ADAM12: variants seen among roughly 807,000 people sequenced by gnomAD.
ADAM12 encodes disintegrin and metalloproteinase domain-containing protein 12.
Under a neutral mutation model 106.4 loss-of-function variants are expected in ADAM12, and 70 were observed. That is an observed-to-expected ratio of 0.66 (90% CI 0.54 to 0.80). The LOEUF is 0.80. Among genes scored for constraint, ADAM12 ranks in the 30% least tolerant of loss-of-function variants. The pLI is 0.00. For missense variants in ADAM12, 1,010 were observed against 1,171.9 expected, an observed-to-expected ratio of 0.86 and a Z score of 2.02; for synonymous variants, 420 against 433.5, an observed-to-expected ratio of 0.97 and a Z score of 0.39.
chr10:126,217,041 T>A lies in ADAM12; in HGVS notation c.261-61736A>T, dbSNP rs112669128. 4.5e-3 allele frequency among the ~76,000 whole-genome samples: 681 copies of A among 152,342 alleles called. 5 individuals are homozygous for A. Among genetic ancestry groups the A allele is most frequent in the African/African-American group, 0.015 (621 of 41,582 alleles). On this transcript the variant is annotated intron_variant, in intron 3 of 22. Transcript: ENST00000448723. Reference sequence around the variant, plus strand: ...ATCTTTCCAACTCTGAGCTCAAGAATCAGGGATGTCAGCAAACAAATCCTG... The same window carrying A: ...ATCTTTCCAACTCTGAGCTCAAGAAACAGGGATGTCAGCAAACAAATCCTG...
intron 3 of ADAM12, among the ~76,000 whole-genome samples, chr10:126,278,565 C>G (rs144967062): frequency 6.6e-6 from 1 of 152,094 alleles, no homozygotes; most frequent in African/African-American, 2.4e-5. Flanking sequence ...GCTGTTTCCC[C>G]TAATATAATC....
chr10:126,158,801 C>T (rs28411103), intron 3 of ADAM12, among the ~76,000 whole-genome samples: 3,077 of 119,736 alleles, frequency 0.026, 125 homozygotes, highest in African/African-American at 0.096. Flanking sequence ...GGGATGCACA[C>T]AGCACGGTGG....
intron 3 of ADAM12, among the ~76,000 whole-genome samples, chr10:126,166,749 G>A (rs975357670): frequency 5.3e-5 from 8 of 151,996 alleles, no homozygotes; most frequent in African/African-American, 9.7e-5. Flanking sequence ...CGCCCGCCTC[G>A]ACCTCCCAAA....
intron 21 of ADAM12, among the ~76,000 whole-genome samples, chr10:126,033,376 G>GTACAT (rs1432498961): frequency 1.3e-5 from 2 of 152,162 alleles, no homozygotes; most frequent in African/African-American, 2.4e-5. Context: ...GGTGGAATAA[G>GTACAT]TACATTTCAC....
intron 6 of ADAM12, among the ~76,000 whole-genome samples, chr10:126,115,464 C>T (rs948578484): frequency 2.6e-5 from 4 of 152,076 alleles, no homozygotes; most frequent in African/African-American, 9.7e-5. Flanking sequence ...TGTGACGCTC[C>T]CTGTTTCTCT....
intron 10 of ADAM12, among the ~76,000 whole-genome samples, chr10:126,094,364 C>T (rs572722339): frequency 4.6e-5 from 7 of 152,138 alleles, no homozygotes; most frequent in Non-Finnish European, 8.8e-5. Context: ...GTATGCCGCA[C>T]GTATACATGT....
At chr10:126,232,687 G>T (rs775698302) in intron 3 of ADAM12, among the ~76,000 whole-genome samples, 4 of 152,082 alleles carry the variant, frequency 2.6e-5, no homozygotes, top group Non-Finnish European at 5.9e-5. Flanking sequence ...TTTTCTCTTA[G>T]ATATCCAATA....
At chr10:126,232,833 G>A (rs1453901358) in intron 3 of ADAM12, among the ~76,000 whole-genome samples, 1 of 152,172 alleles carries the variant, frequency 6.6e-6, no homozygotes, top group Non-Finnish European at 1.5e-5. Flanking sequence ...GGTAGGACTA[G>A]GGAGGAAGAT....
intron 5 of ADAM12, among the ~76,000 whole-genome samples, chr10:126,120,949 A>AAT (rs1168838721): frequency 2.0e-4 from 27 of 137,482 alleles, no homozygotes; most frequent in African/African-American, 7.0e-4. Flanking sequence ...TTACATATGT[A>AAT]ATATAATATA....
chr10:126,215,549 T>C (rs2133843657), intron 3 of ADAM12, among the ~76,000 whole-genome samples: 1 of 152,280 alleles, frequency 6.6e-6, no homozygotes, highest in Admixed American at 6.5e-5. Context: ...AACCAAGGAC[T>C]AGGCCATTAG....
intron 1 of ADAM12, among the ~76,000 whole-genome samples, chr10:126,364,295 C>G (rs939342874): frequency 5.3e-5 from 8 of 151,584 alleles, no homozygotes; most frequent in African/African-American, 1.9e-4. Flanking sequence ...GCTGTTTGTA[C>G]ACATTTTTAT....
intron 2 of ADAM12, among the ~76,000 whole-genome samples, chr10:126,307,395 C>T (rs1960894532): frequency 6.6e-6 from 1 of 152,026 alleles, no homozygotes. Flanking sequence ...GCTCTGTCAC[C>T]CAGGCTGGAG....
intron 16 of ADAM12, among the ~76,000 whole-genome samples, chr10:126,046,613 G>GA (rs1395006012): frequency 6.6e-6 from 1 of 151,598 alleles, no homozygotes; most frequent in Non-Finnish European, 1.5e-5. Context: ...GACTCTCCTG[G>GA]AAAACATGGT....
chr10:126,245,953 G>T (rs1259248683), intron 3 of ADAM12, among the ~76,000 whole-genome samples: 2 of 152,126 alleles, frequency 1.3e-5, no homozygotes, highest in African/African-American at 4.8e-5. Flanking sequence ...AATTTGACTG[G>T]GAATGGATGG....
intron 3 of ADAM12, among the ~76,000 whole-genome samples, chr10:126,250,831 AT>A (rs1305111682): frequency 6.6e-6 from 1 of 152,202 alleles, no homozygotes; most frequent in Non-Finnish European, 1.5e-5. Context: ...TCTTATTCGT[AT>A]TTCTAATTTT....
chr10:126,161,270 A>C (rs746132660), intron 3 of ADAM12, among the ~76,000 whole-genome samples: 2 of 152,124 alleles, frequency 1.3e-5, no homozygotes, highest in Non-Finnish European at 2.9e-5. Context: ...TGAGCCCCTG[A>C]TATCTCATTT....
intron 5 of ADAM12, among the ~76,000 whole-genome samples, chr10:126,126,495 G>A (rs1565078236): frequency 6.6e-6 from 1 of 152,034 alleles, no homozygotes; most frequent in Non-Finnish European, 1.5e-5. Flanking sequence ...ACCAGTAGGT[G>A]AGTAAGTGAT....
chr10:126,189,021 G>C (rs1246289002), intron 3 of ADAM12, among the ~76,000 whole-genome samples: 1 of 152,096 alleles, frequency 6.6e-6, no homozygotes, highest in East Asian at 1.9e-4. Context: ...CTAAGCATCA[G>C]GTGCAGTGTG....
intron 1 of ADAM12, among the ~76,000 whole-genome samples, chr10:126,385,507 T>G (rs1262124601): frequency 2.6e-5 from 4 of 152,130 alleles, no homozygotes; most frequent in Non-Finnish European, 2.9e-5. Context: ...TATCACAGCT[T>G]GGTGCACAGA....
Sources: allele counts gnomAD v4.1 joint callset (sites outside exome capture counted in the v4.1 genomes callset), GRCh38; gene constraint gnomAD v4.1.1; transcripts MANE v1.5; gene names NCBI Gene and HGNC (gene_info 2026-07-23, HGNC 2026-07-21).